VOPP1: variants seen among roughly 807,000 people sequenced by gnomAD.
VOPP1 encodes VOPP1 WW domain binding protein.
Under a neutral mutation model 23.5 loss-of-function variants are expected in VOPP1, and 8 were observed. That is an observed-to-expected ratio of 0.34 (90% CI 0.20 to 0.61). The LOEUF (loss-of-function observed/expected upper bound fraction) is 0.61. VOPP1 is among the 20% of genes least tolerant of loss of function. The probability of loss-of-function intolerance (pLI) is 0.78; values close to 1 mark genes in which losing one functional copy is unlikely to be tolerated. For synonymous variants in VOPP1, 83 were observed against 97.3 expected, an observed-to-expected ratio of 0.85 and a Z score of 0.86; for missense variants, 174 against 238.1, an observed-to-expected ratio of 0.73 and a Z score of 1.77.
At chr7:55,540,625 C>G (rs1233215339) in intron 1 of VOPP1, among the ~76,000 whole-genome samples, 1 of 152,118 alleles carries the variant, frequency 6.6e-6, no homozygotes, top group African/African-American at 2.4e-5. Context: ...CGAGTAAACA[C>G]GTGGAGCATA....
At chr7:55,525,368 A>G (rs1003573938) in intron 1 of VOPP1, among the ~76,000 whole-genome samples, 3 of 151,996 alleles carry the variant, frequency 2.0e-5, no homozygotes, top group African/African-American at 7.2e-5. Context: ...GGGCGCCTGT[A>G]GTCCCAGCTA....
At chr7:55,461,448 G>A (rs542221354) in intron 4 of VOPP1, among the ~76,000 whole-genome samples, 10 of 152,124 alleles carry the variant, frequency 6.6e-5, no homozygotes, top group South Asian at 6.2e-4. Flanking sequence ...GTCTCACTCC[G>A]TAGCCCAGGC....
chr7:55,559,419 C>T lies in VOPP1; in HGVS notation c.54+12852G>A, dbSNP rs372851521. 2.7e-4 allele frequency among the ~76,000 whole-genome samples: 41 copies of T among 152,304 alleles called. 1 individual carries two copies. In the East Asian group the frequency reaches 7.3e-3, roughly 27 times the overall value. On this transcript the variant is annotated intron_variant, in intron 1 of 4. Coordinates refer to ENST00000285279, the MANE Select transcript of VOPP1 (RefSeq NM_030796.5). ...CCGCTGACCGTGCCATTGGGCCGAC[C>T]AACAGGCCACCACAGTGGAAGGACT...
chr7:55,456,221 A>G (rs1791363494), intron 4 of VOPP1, among the ~76,000 whole-genome samples: 2 of 152,254 alleles, frequency 1.3e-5, no homozygotes, highest in Non-Finnish European at 2.9e-5. Context: ...TGGTCATTAG[A>G]GAAATGCAAA....
chr7:55,469,143 T>A (rs1173959884), downstream of VOPP1, among the ~76,000 whole-genome samples: 1 of 152,206 alleles, frequency 6.6e-6, no homozygotes, highest in Non-Finnish European at 1.5e-5. Flanking sequence ...CTAGAAGTGG[T>A]CAAATAACAT....
chr7:55,534,131 C>CTTTT (rs10669665), intron 1 of VOPP1, among the ~76,000 whole-genome samples: 3 of 140,154 alleles, frequency 2.1e-5, no homozygotes, highest in South Asian at 2.3e-4. Flanking sequence ...TTTCATGTAG[C>CTTTT]TTTTTTTTTT....
chr7:55,562,524 AATCT>A (rs1255439392), intron 1 of VOPP1, among the ~76,000 whole-genome samples: 3 of 152,354 alleles, frequency 2.0e-5, no homozygotes, highest in East Asian at 3.9e-4. Context: ...AATAGGGGTC[AATCT>A]ATCACAACAG....
intron 2 of VOPP1, among the ~76,000 whole-genome samples, chr7:55,508,265 G>GTT (rs1346601779): frequency 6.6e-6 from 1 of 152,122 alleles, no homozygotes; most frequent in East Asian, 1.9e-4. Context: ...TAACTACGGA[G>GTT]TTTTTTGTTT....
At chr7:55,440,550 C>A (rs1336652197) in intron 4 of VOPP1, among the ~76,000 whole-genome samples, 3 of 152,264 alleles carry the variant, frequency 2.0e-5, no homozygotes, top group Non-Finnish European at 4.4e-5. Context: ...CAGGGCTCAC[C>A]TATTCCTCCG....
intron 4 of VOPP1, among the ~76,000 whole-genome samples, chr7:55,454,184 T>C (rs1323079670): frequency 1.3e-5 from 2 of 152,012 alleles, no homozygotes; most frequent in South Asian, 2.1e-4. Flanking sequence ...GCTAGGAACA[T>C]TAAAAATTTT....
At chr7:55,510,145 A>T (rs959893154) in intron 2 of VOPP1, among the ~76,000 whole-genome samples, 8 of 152,240 alleles carry the variant, frequency 5.3e-5, no homozygotes, top group Non-Finnish European at 7.3e-5. Flanking sequence ...GACCAACTCA[A>T]AATTACAAAG....
chr7:55,485,331 C>T (rs1223672405), intron 4 of VOPP1, among the ~76,000 whole-genome samples: 1 of 152,344 alleles, frequency 6.6e-6, no homozygotes, highest in South Asian at 2.1e-4. Flanking sequence ...CACCATTTCA[C>T]ATCCTTCAAA....
chr7:55,506,067 C>T (rs946558803), intron 2 of VOPP1, among the ~76,000 whole-genome samples: 2 of 152,194 alleles, frequency 1.3e-5, no homozygotes, highest in Non-Finnish European at 2.9e-5. Flanking sequence ...CTGACGCCTT[C>T]GAGAGGTCCC....
At chr7:55,543,876 T>A (rs1797246913) in intron 1 of VOPP1, among the ~76,000 whole-genome samples, 1 of 152,240 alleles carries the variant, frequency 6.6e-6, no homozygotes, top group Non-Finnish European at 1.5e-5. Flanking sequence ...TTCACTTTGT[T>A]GATTGTTTTC....
At chr7:55,506,233 G>C (rs1013275548) in intron 2 of VOPP1, among the ~76,000 whole-genome samples, 1 of 152,156 alleles carries the variant, frequency 6.6e-6, no homozygotes, top group African/African-American at 2.4e-5. Flanking sequence ...TGATCATCAG[G>C]ACATTCTCCC....
At chr7:55,455,155 A>T (rs1282000856) in intron 4 of VOPP1, among the ~76,000 whole-genome samples, 1 of 152,194 alleles carries the variant, frequency 6.6e-6, no homozygotes, top group African/African-American at 2.4e-5. Flanking sequence ...GCATTCCTAC[A>T]CACCAATACA....
At chr7:55,462,552 C>G (rs1466848013) in intron 4 of VOPP1, among the ~76,000 whole-genome samples, 1 of 151,526 alleles carries the variant, frequency 6.6e-6, no homozygotes, top group Non-Finnish European at 1.5e-5. Flanking sequence ...TTTTCTTCTT[C>G]TTTTTTTGGG....
chr7:55,563,056 A>G (rs1798041924), intron 1 of VOPP1, among the ~76,000 whole-genome samples: 8 of 152,166 alleles, frequency 5.3e-5, no homozygotes, highest in Admixed American at 5.2e-4. Context: ...TTTACTGTTT[A>G]TGTTTAATAA....
At chr7:55,549,870 C>T (rs1409733089) in intron 1 of VOPP1, among the ~76,000 whole-genome samples, 2 of 152,232 alleles carry the variant, frequency 1.3e-5, no homozygotes, top group Admixed American at 1.3e-4. Flanking sequence ...TCCCCTCCTC[C>T]ATGAGCGGTG....
Sources: allele counts gnomAD v4.1 joint callset (sites outside exome capture counted in the v4.1 genomes callset), GRCh38; gene constraint gnomAD v4.1.1; transcripts MANE v1.5; gene names NCBI Gene and HGNC (gene_info 2026-07-23, HGNC 2026-07-21).